Variants in SLC44A5 observed in about 807,000 individuals in gnomAD.
The protein encoded by SLC44A5 is solute carrier family 44 member 5.
A neutral mutation model predicts 101.8 loss-of-function variants in SLC44A5; 57 were observed. The observed-to-expected ratio is 0.56, with a 90% CI of 0.45 to 0.70. SLC44A5 has a LOEUF of 0.70. SLC44A5 is among the 30% of genes least tolerant of loss of function. The probability of loss-of-function intolerance (pLI) is 0.00; values close to 1 mark genes in which losing one functional copy is unlikely to be tolerated. For missense variants in SLC44A5, 737 were observed against 853.1 expected (o/e 0.86, Z 1.70); for synonymous variants, 281 against 290.9 (o/e 0.97, Z 0.35).
intron 2 of SLC44A5, among the ~76,000 whole-genome samples, chr1:75,539,970 C>T (rs1421944501): frequency 6.6e-6 from 1 of 152,108 alleles, no homozygotes; most frequent in East Asian, 1.9e-4. Context: ...AAGAGCATGC[C>T]AGTTGTATAG....
intron 13 of SLC44A5, among the ~76,000 whole-genome samples, chr1:75,225,258 G>T (rs1217541341): frequency 6.6e-6 from 1 of 152,176 alleles, no homozygotes; most frequent in African/African-American, 2.4e-5. Context: ...TGCTGTATGG[G>T]TTTGTAGACT....
chr1:75,344,536 G>A (rs1658110523), intron 3 of SLC44A5, among the ~76,000 whole-genome samples: 1 of 152,132 alleles, frequency 6.6e-6, no homozygotes, highest in Non-Finnish European at 1.5e-5. Context: ...GTGATCACAA[G>A]GGTACTTCTA....
chr1:75,430,923 C>T (rs1421362478), intron 2 of SLC44A5, among the ~76,000 whole-genome samples: 1 of 152,222 alleles, frequency 6.6e-6, no homozygotes, highest in Admixed American at 6.5e-5. Flanking sequence ...TGCCCAAGCA[C>T]ACAATTTCAT....
chr1:75,468,090 C>G (rs1666919485), intron 2 of SLC44A5, among the ~76,000 whole-genome samples: 1 of 152,094 alleles, frequency 6.6e-6, no homozygotes, highest in Non-Finnish European at 1.5e-5. Flanking sequence ...CATTGATTAT[C>G]AGAGGAATGC....
chr1:75,409,414 T>G (rs1249791), intron 2 of SLC44A5, among the ~76,000 whole-genome samples: 38,960 of 151,942 alleles, frequency 0.26, 5,357 homozygotes, highest in African/African-American at 0.35. Flanking sequence ...TCCTTGAATC[T>G]AATTTTTTTT....
At chr1:75,721,915 A>AGACAACTG in the SLC44A5 span, among the ~76,000 whole-genome samples, 2 of 152,234 alleles carry the variant, frequency 1.3e-5, no homozygotes, top group African/African-American at 4.8e-5. Context: ...GGTATTCTGG[A>AGACAACTG]GACAACTGGA....
At chr1:75,537,950 A>C (rs1428084290) in intron 2 of SLC44A5, 1 of 152,254 alleles carries the variant, frequency 6.6e-6, no homozygotes, top group African/African-American at 2.4e-5. Context: ...ATAATACAGT[A>C]AGATGACAGC....
At position 75,215,960 on chromosome 1, in the gene SLC44A5, T is replaced by C; in HGVS notation, c.1625-103A>G. On this transcript the variant is annotated intron_variant, in intron 18 of 23. Coordinates refer to ENST00000370859, the MANE Select transcript of SLC44A5 (RefSeq NM_001130058.2). ...TTAAAATGAGATTTAAAATTTTTTA[T>C]TGTTATAAAATATACATAATATAAA... 5 of 692,004 alleles carry C rather than the reference T, an allele frequency of 7.2e-6. No individual in the cohort carries two copies. The South Asian group carries it at 9.5e-5, about 13-fold the overall frequency. The allele number at this position is 692,004 out of a possible 1,614,324, so 42.9% of individuals were successfully genotyped here. A position where few individuals can be genotyped will look rare whatever the true frequency, so the allele number is the denominator to read the frequency against.
chr1:75,616,020 G>C (rs1008637446), upstream of SLC44A5: 1 of 413,744 alleles, frequency 2.4e-6, no homozygotes, highest in African/African-American at 2.2e-5. Flanking sequence ...GAGCAGCAGC[G>C]GCGGCCGGGC....
At chr1:75,557,478 T>A (rs1672282590) in intron 1 of SLC44A5, among the ~76,000 whole-genome samples, 1 of 152,182 alleles carries the variant, frequency 6.6e-6, no homozygotes, top group Non-Finnish European at 1.5e-5. Context: ...GCTCTGTCTC[T>A]TCTGTGGCCT....
the SLC44A5 span, chr1:75,720,497 G>A: frequency 6.6e-6 from 1 of 152,338 alleles, no homozygotes; most frequent in East Asian, 1.9e-4. Flanking sequence ...TGGCAAAAAT[G>A]TAGATGAAAG....
At chr1:75,221,242 C>T (rs1209489305) in intron 14 of SLC44A5, among the ~76,000 whole-genome samples, 1 of 152,120 alleles carries the variant, frequency 6.6e-6, no homozygotes, top group Admixed American at 6.5e-5. Flanking sequence ...TCCTTAAAGA[C>T]TGTTAAAAAT....
intron 13 of SLC44A5, among the ~76,000 whole-genome samples, chr1:75,227,375 A>G (rs1367311819): frequency 6.6e-6 from 1 of 151,474 alleles, no homozygotes; most frequent in Non-Finnish European, 1.5e-5. Flanking sequence ...AGAAAATTAA[A>G]TACATAAATA....
At chr1:75,686,145 A>G in the SLC44A5 span, among the ~76,000 whole-genome samples, 1 of 152,118 alleles carries the variant, frequency 6.6e-6, no homozygotes, top group Non-Finnish European at 1.5e-5. Context: ...ACACATGGAG[A>G]TTATGGGAAC....
intron 5 of SLC44A5, among the ~76,000 whole-genome samples, chr1:75,295,010 A>C (rs1214952817): frequency 1.3e-5 from 2 of 152,180 alleles, no homozygotes; most frequent in African/African-American, 4.8e-5. Flanking sequence ...TGCTAAGAGA[A>C]TATATCTTAA....
At chr1:75,516,372 GGC>G (rs1669832530) in intron 2 of SLC44A5, among the ~76,000 whole-genome samples, 2 of 152,134 alleles carry the variant, frequency 1.3e-5, no homozygotes, top group Admixed American at 6.5e-5. Flanking sequence ...AAATTAGCCG[GGC>G]GTGGTGGTGG....
chr1:75,615,193 C>T (rs1016086117), upstream of SLC44A5, among the ~76,000 whole-genome samples: 44 of 151,974 alleles, frequency 2.9e-4, no homozygotes, highest in African/African-American at 1.1e-3. Flanking sequence ...AGCCACTGCC[C>T]GTCTCGACAG....
At chr1:75,721,170 G>A in the SLC44A5 span, among the ~76,000 whole-genome samples, 2 of 152,126 alleles carry the variant, frequency 1.3e-5, no homozygotes, top group Non-Finnish European at 2.9e-5. Flanking sequence ...TTCCCATCAT[G>A]GCCTGAAGTA....
At chr1:75,248,143 T>C (rs958122525) in intron 7 of SLC44A5, among the ~76,000 whole-genome samples, 1 of 151,974 alleles carries the variant, frequency 6.6e-6, no homozygotes. Flanking sequence ...TAAGATGGTA[T>C]AAGATGGTAA....
Sources: allele counts gnomAD v4.1 joint callset (sites outside exome capture counted in the v4.1 genomes callset), GRCh38; gene constraint gnomAD v4.1.1; transcripts MANE v1.5; gene names NCBI Gene and HGNC (gene_info 2026-07-23, HGNC 2026-07-21).